The following API5 variants were observed in gnomAD, a reference collection of about 807,000 sequenced individuals.
API5 encodes apoptosis inhibitor 5.
API5 carries 6 observed loss-of-function variants against 71.9 expected under a neutral mutation model. That is an observed-to-expected ratio of 0.08 (90% CI 0.05 to 0.16). The LOEUF is 0.16. Ranked by LOEUF, API5 falls within the 10% of genes least tolerant of loss-of-function variation. The probability of loss-of-function intolerance (pLI) is 1.00; values close to 1 mark genes in which losing one functional copy is unlikely to be tolerated. For synonymous variants in API5, 189 were observed against 221.3 expected (o/e 0.85, Z 1.30); for missense variants, 332 against 612.8 (o/e 0.54, Z 4.84).
At chr11:43,314,800 C>T (rs924293017) in intron 1 of API5, among the ~76,000 whole-genome samples, 15 of 152,132 alleles carry the variant, frequency 9.9e-5, no homozygotes, top group East Asian at 3.9e-4. Flanking sequence ...TATACTTCTC[C>T]CCTTTTAGAT....
At chr11:43,313,079 C>T (rs1854542315) in intron 1 of API5, among the ~76,000 whole-genome samples, 1 of 150,236 alleles carries the variant, frequency 6.7e-6, no homozygotes, top group Non-Finnish European at 1.5e-5. Context: ...TGCACTCCAG[C>T]CTGGGAGACA....
intron 2 of API5, among the ~76,000 whole-genome samples, chr11:43,319,665 G>C (rs1475074060): frequency 1.3e-5 from 2 of 151,992 alleles, no homozygotes; most frequent in East Asian, 3.9e-4. Flanking sequence ...CTCCCACCTT[G>C]GCCTTCTGAA....
Position 43,330,499 on chromosome 11 carries a change from C to A in API5, c.1222-9C>A, listed in dbSNP as rs769908115. 47 of 1,581,322 alleles carry A rather than the reference C, an allele frequency of 3.0e-5. No homozygotes were observed. The highest frequency in any genetic ancestry group is 3.1e-5 in the Non-Finnish European group (36 of 1,151,140). On this transcript the variant is annotated splice_polypyrimidine_tract_variant and intron_variant, in intron 10 of 13. Transcript: ENST00000531273. ...GGCAATTTGTCTTAATTTTCCTTTCCCTTTGTAGAACAAGATTAAAGTCGT... is the reference window on the plus strand; with the variant it reads ...GGCAATTTGTCTTAATTTTCCTTTCACTTTGTAGAACAAGATTAAAGTCGT...
At chr11:43,333,791 A>C (rs1855337915) in intron 11 of API5, among the ~76,000 whole-genome samples, 1 of 144,244 alleles carries the variant, frequency 6.9e-6, no homozygotes, top group East Asian at 1.9e-4. Flanking sequence ...CTCAACACAA[A>C]GGTCAGGAAG....
At chr11:43,320,397 G>T (rs1854835138) in intron 2 of API5, among the ~76,000 whole-genome samples, 1 of 151,762 alleles carries the variant, frequency 6.6e-6, no homozygotes, top group Admixed American at 6.6e-5. Context: ...TCATATTTTT[G>T]TGACTCGTAT....
intron 11 of API5, among the ~76,000 whole-genome samples, chr11:43,332,604 A>G (rs1453012347): frequency 1.3e-5 from 2 of 152,098 alleles, no homozygotes; most frequent in African/African-American, 4.8e-5. Flanking sequence ...TTCCATCCCT[A>G]TGGAGTTGGG....
At chr11:43,330,219 A>G (rs975733733) in intron 10 of API5, 161 bp downstream of exon 10, 1 of 659,086 alleles carries the variant, frequency 1.5e-6, no homozygotes. Context: ...CTATAACTTA[A>G]ACTGATTTAT....
At chr11:43,337,090 G>T (rs1203755912) in intron 13 of API5, among the ~76,000 whole-genome samples, 4 of 151,728 alleles carry the variant, frequency 2.6e-5, no homozygotes, top group Non-Finnish European at 2.9e-5. Context: ...TTCGGAGGCC[G>T]AGGTGGGAGG....
chr11:43,313,313 T>C (rs1485289747), intron 1 of API5, among the ~76,000 whole-genome samples: 1 of 152,166 alleles, frequency 6.6e-6, no homozygotes. Flanking sequence ...GTTCCCTGTA[T>C]GAGTTTTCAA....
chr11:43,333,943 C>T (rs545649091), intron 11 of API5, among the ~76,000 whole-genome samples: 257 of 152,220 alleles, frequency 1.7e-3, no homozygotes, highest in African/African-American at 5.3e-3. Context: ...ACTTCATTCT[C>T]GAGGATTCAA....
chr11:43,312,602 G>C (rs557832379), intron 1 of API5, among the ~76,000 whole-genome samples: 1 of 152,016 alleles, frequency 6.6e-6, no homozygotes, highest in Non-Finnish European at 1.5e-5. Context: ...TTTTTTGGGG[G>C]GGAGGCAAAA....
chr11:43,312,001 T>G lies in API5; in HGVS notation c.-127T>G, dbSNP rs566912556. 2.8e-6 allele frequency: 3 copies of G among 1,082,096 alleles called. No homozygotes were observed. The African/African-American group carries it at 4.7e-5, about 17-fold the overall frequency. The allele number at this position is 1,082,096 out of a possible 1,614,324, so 67.0% of individuals were successfully genotyped here. ...GCGCAGCCGCGCTGTGCGCGGTGAC[T>G]GGCGGCTGCACTGGCGGCAGCTGGA... On this transcript the variant is annotated 5_prime_UTR_variant, in exon 1 of 14. Coordinates refer to ENST00000531273, the MANE Select transcript of API5 (RefSeq NM_001142930.2).
At chr11:43,330,652 A>C in intron 11 of API5, 88 bp downstream of exon 11, 1 of 1,051,998 alleles carries the variant, frequency 9.5e-7, no homozygotes, top group Admixed American at 2.2e-5. Flanking sequence ...GATACTTCCA[A>C]CAAAGGGAGG....
At chr11:43,337,085 A>G (rs1855461247) in intron 13 of API5, among the ~76,000 whole-genome samples, 1 of 151,342 alleles carries the variant, frequency 6.6e-6, no homozygotes, top group Non-Finnish European at 1.5e-5. Flanking sequence ...ACACTTTCGG[A>G]GGCCGAGGTG....
At chr11:43,327,985 C>G (rs1384893371) in intron 8 of API5, 107 bp downstream of exon 8, 3 of 605,050 alleles carry the variant, frequency 5.0e-6, no homozygotes, top group African/African-American at 1.9e-5. Flanking sequence ...TTCAATTAAA[C>G]AATAATCCTA....
Position 43,342,608 on chromosome 11 carries a change from G to A in API5, c.*98G>A, listed in dbSNP as rs761863076. On this transcript the variant is annotated 3_prime_UTR_variant, in exon 14 of 14. Coordinates refer to ENST00000531273, the MANE Select transcript of API5 (RefSeq NM_001142930.2). ...GGGATGTCCCTTTAAACAGACTGCT[G>A]CCTTCAGCTAAAAACTTAATGTTCT... The A allele has an allele frequency of 4.9e-6, 6 of 1,231,538 alleles. No individual in the cohort carries two copies. The highest frequency in any genetic ancestry group is 1.3e-5 in the South Asian group (1 of 79,798). The allele number at this position is 1,231,538 out of a possible 1,614,324, so 76.3% of individuals were successfully genotyped here. A position where few individuals can be genotyped will look rare whatever the true frequency, so the allele number is the denominator to read the frequency against.
intron 11 of API5, among the ~76,000 whole-genome samples, chr11:43,332,745 G>A (rs1855300472): frequency 6.6e-6 from 1 of 152,016 alleles, no homozygotes; most frequent in South Asian, 2.1e-4. Flanking sequence ...CATTACATAG[G>A]CATGATTGAT....
intron 13 of API5, among the ~76,000 whole-genome samples, chr11:43,337,007 C>CA (rs559170436): frequency 0.024 from 1,575 of 65,788 alleles, 27 homozygotes; most frequent in African/African-American, 0.038. Flanking sequence ...GACTCCGTCT[C>CA]AAAAAAAAAA....
intron 1 of API5, among the ~76,000 whole-genome samples, chr11:43,313,572 T>G (rs1266212112): frequency 2.0e-5 from 3 of 152,176 alleles, no homozygotes; most frequent in Admixed American, 6.5e-5. Flanking sequence ...ATAGGACTTT[T>G]CTGAGCTGAA....
Sources: allele counts gnomAD v4.1 joint callset (sites outside exome capture counted in the v4.1 genomes callset), GRCh38; gene constraint gnomAD v4.1.1; transcripts MANE v1.5; gene names NCBI Gene and HGNC (gene_info 2026-07-23, HGNC 2026-07-21).